The following SLC25A21 variants were observed in gnomAD, a reference collection of about 807,000 sequenced individuals.
SLC25A21 encodes the protein mitochondrial 2-oxodicarboxylate carrier.
In SLC25A21, 47 loss-of-function variants were observed where a neutral mutation model predicts 43.8. The ratio of observed to expected loss-of-function variants is 1.07; its 90% CI spans 0.85 to 1.37. The LOEUF (loss-of-function observed/expected upper bound fraction) is 1.37. Among genes scored for constraint, SLC25A21 ranks in the 40% most tolerant of loss-of-function variants. SLC25A21 has a pLI of 0.00. For missense variants in SLC25A21, 352 were observed against 350.2 expected (o/e 1.00, Z -0.04); for synonymous variants, 131 against 121.3 (o/e 1.08, Z -0.52).
intron 7 of SLC25A21, among the ~76,000 whole-genome samples, chr14:36,711,104 A>G (rs572072809): frequency 6.6e-6 from 1 of 152,296 alleles, no homozygotes; most frequent in Non-Finnish European, 1.5e-5. Flanking sequence ...TTTACTGTCT[A>G]CTATGTGAGC....
intron 2 of SLC25A21, among the ~76,000 whole-genome samples, chr14:36,834,813 T>C (rs1213782417): frequency 6.6e-6 from 1 of 152,142 alleles, no homozygotes; most frequent in African/African-American, 2.4e-5. Flanking sequence ...CGAAAGGGCC[T>C]TTTTGTCAAG....
chr14:36,873,550 C>A (rs1890435010), intron 2 of SLC25A21, among the ~76,000 whole-genome samples: 1 of 152,158 alleles, frequency 6.6e-6, no homozygotes, highest in Non-Finnish European at 1.5e-5. Context: ...CCTCCCTCTG[C>A]CTCCCAAAGT....
intron 7 of SLC25A21, among the ~76,000 whole-genome samples, chr14:36,694,120 AT>A (rs1882913860): frequency 6.7e-6 from 1 of 149,828 alleles, no homozygotes; most frequent in South Asian, 2.1e-4. Context: ...TGTCCAAGTG[AT>A]CTCATTGTTC....
chr14:37,024,465 C>T (rs1460240358), intron 1 of SLC25A21, among the ~76,000 whole-genome samples: 5 of 152,000 alleles, frequency 3.3e-5, no homozygotes, highest in Non-Finnish European at 5.9e-5. Context: ...TATATACCAA[C>T]GTCAGCAGCT....
chr14:36,989,776 T>C (rs1277456923), intron 1 of SLC25A21, among the ~76,000 whole-genome samples: 1 of 152,122 alleles, frequency 6.6e-6, no homozygotes, highest in East Asian at 1.9e-4. Context: ...CCGTATCTAC[T>C]GCTACAGTTC....
At chr14:37,151,251 G>A (rs1047614924) in intron 1 of SLC25A21, among the ~76,000 whole-genome samples, 2 of 152,166 alleles carry the variant, frequency 1.3e-5, no homozygotes, top group African/African-American at 2.4e-5. Flanking sequence ...CCACTCTTGG[G>A]TTGCTCTCAC....
At chr14:36,785,154 C>A (rs1300878966) in intron 3 of SLC25A21, among the ~76,000 whole-genome samples, 1 of 152,154 alleles carries the variant, frequency 6.6e-6, no homozygotes, top group Non-Finnish European at 1.5e-5. Flanking sequence ...TGGAATGGGT[C>A]AGGGAAATCC....
intron 3 of SLC25A21, among the ~76,000 whole-genome samples, chr14:36,740,947 G>A (rs1885229591): frequency 6.6e-6 from 1 of 152,044 alleles, no homozygotes; most frequent in African/African-American, 2.4e-5. Context: ...CAGTTTGAAC[G>A]ACTAAAAAAA....
intron 4 of SLC25A21, among the ~76,000 whole-genome samples, chr14:36,730,086 A>G (rs1302018860): frequency 6.6e-6 from 1 of 152,228 alleles, no homozygotes; most frequent in African/African-American, 2.4e-5. Flanking sequence ...AAACTAGGGA[A>G]GGACTCAATG....
chr14:36,759,622 T>C (rs1446381808), intron 3 of SLC25A21: 1 of 152,196 alleles, frequency 6.6e-6, no homozygotes, highest in Non-Finnish European at 1.5e-5. Context: ...ACAGAATAAT[T>C]GAGTCAATAC....
chr14:36,876,219 T>C (rs139140928), intron 1 of SLC25A21, among the ~76,000 whole-genome samples: 11 of 152,280 alleles, frequency 7.2e-5, no homozygotes, highest in African/African-American at 2.6e-4. Flanking sequence ...ACAAATGTCT[T>C]TTCCTTCCCA....
In SLC25A21 at chr14:37,082,100, G is replaced by C. The variant is rs79857314; in HGVS notation, c.70+90181C>G. Among the ~76,000 whole-genome samples the C allele has an allele frequency of 8.3e-3, 1,268 of 152,300 alleles. 12 individuals carry two copies. Among genetic ancestry groups the C allele is most frequent in the Middle Eastern group, 0.02 (6 of 294 alleles). ...CTTTGCAGCAACATGGATGGGGTTAGAGGTCACAATCCTAAGCAAATTAAC... is the reference window on the plus strand; with the variant it reads ...CTTTGCAGCAACATGGATGGGGTTACAGGTCACAATCCTAAGCAAATTAAC... On this transcript the variant is annotated intron_variant, in intron 1 of 9. Coordinates refer to ENST00000331299, the MANE Select transcript of SLC25A21 (RefSeq NM_030631.4).
intron 3 of SLC25A21, among the ~76,000 whole-genome samples, chr14:36,735,076 C>T (rs142266020): frequency 2.6e-5 from 4 of 152,256 alleles, no homozygotes; most frequent in African/African-American, 7.2e-5. Flanking sequence ...CTTCCAGCCC[C>T]GTCCTGATTT....
intron 1 of SLC25A21, among the ~76,000 whole-genome samples, chr14:37,148,587 G>A (rs1963707272): frequency 6.6e-6 from 1 of 152,164 alleles, no homozygotes; most frequent in South Asian, 2.1e-4. Flanking sequence ...ATTTCTATAT[G>A]GTTACATGGG....
At position 37,097,070 on chromosome 14, in the gene SLC25A21, C is replaced by T. The variant is rs1376476563; in HGVS notation, c.70+75211G>A. The T allele has an allele frequency of 2.1e-5, 3 of 141,196 alleles. No individual in the cohort carries two copies. In the Admixed American group the frequency reaches 2.2e-4, roughly 10 times the overall value. The allele number at this position is 141,196 out of a possible 1,614,324, so 8.7% of individuals were successfully genotyped here. A position where few individuals can be genotyped will look rare whatever the true frequency, so the allele number is the denominator to read the frequency against. ...TTTTTTTGTTTGTTTTTGGTTCTTACGAAAGTGCTTTTTTTATTCTAACTT... is the reference window on the plus strand; with the variant it reads ...TTTTTTTGTTTGTTTTTGGTTCTTATGAAAGTGCTTTTTTTATTCTAACTT... On this transcript the variant is annotated intron_variant, in intron 1 of 9. Transcript: ENST00000331299.
At chr14:37,160,717 G>A (rs1594825006) in intron 1 of SLC25A21, among the ~76,000 whole-genome samples, 2 of 152,006 alleles carry the variant, frequency 1.3e-5, no homozygotes, top group South Asian at 4.2e-4. Flanking sequence ...ATCACTTGAG[G>A]TCAGGAGTTC....
chr14:36,850,074 GA>G (rs1419155679), intron 2 of SLC25A21, among the ~76,000 whole-genome samples: 1 of 152,088 alleles, frequency 6.6e-6, no homozygotes, highest in African/African-American at 2.4e-5. Flanking sequence ...TGTGATAAGA[GA>G]AAATTTAGGG....
chr14:36,681,513 C>T (rs1268587175), intron 9 of SLC25A21, among the ~76,000 whole-genome samples: 1 of 152,194 alleles, frequency 6.6e-6, no homozygotes, highest in Non-Finnish European at 1.5e-5. Context: ...ATTTTATGTT[C>T]TATTTGATGC....
chr14:36,685,859 C>T (rs769953890), intron 7 of SLC25A21, among the ~76,000 whole-genome samples: 6 of 152,066 alleles, frequency 3.9e-5, no homozygotes, highest in Non-Finnish European at 8.8e-5. Flanking sequence ...ATTATGTTGC[C>T]AACCTCAGTT....
Sources: allele counts gnomAD v4.1 joint callset (sites outside exome capture counted in the v4.1 genomes callset), GRCh38; gene constraint gnomAD v4.1.1; transcripts MANE v1.5; gene names NCBI Gene and HGNC (gene_info 2026-07-23, HGNC 2026-07-21).